Variants in TMCO6 observed in about 807,000 individuals in gnomAD.
The protein encoded by TMCO6 is transmembrane and coiled-coil domain-containing protein 6.
Under a neutral mutation model 61.8 loss-of-function variants are expected in TMCO6, and 47 were observed. The observed-to-expected ratio is 0.76, with a 90% confidence interval of 0.60 to 0.97. TMCO6 has a LOEUF of 0.97. Among genes scored for constraint, TMCO6 ranks in the 50% least tolerant of loss-of-function variants. The probability of loss-of-function intolerance (pLI) is 0.00; values close to 1 mark genes in which losing one functional copy is unlikely to be tolerated. For synonymous variants in TMCO6, 261 were observed against 254.2 expected, an observed-to-expected ratio of 1.03 and a Z score of -0.25; for missense variants, 557 against 601.6, an observed-to-expected ratio of 0.93 and a Z score of 0.78.
the TMCO6 span, among the ~76,000 whole-genome samples, chr5:140,618,260 T>A: frequency 6.6e-6 from 1 of 151,866 alleles, no homozygotes; most frequent in Non-Finnish European, 1.5e-5. Flanking sequence ...CGAAACCCCA[T>A]CTCTATTAAA....
chr5:140,629,667 C>T, the TMCO6 span, among the ~76,000 whole-genome samples: 1 of 152,140 alleles, frequency 6.6e-6, no homozygotes, highest in Non-Finnish European at 1.5e-5. Flanking sequence ...GGTGTGGTGG[C>T]TCATGCCTGC....
the TMCO6 span, among the ~76,000 whole-genome samples, chr5:140,606,927 G>T: frequency 2.6e-5 from 4 of 151,446 alleles, no homozygotes; most frequent in African/African-American, 7.3e-5. Flanking sequence ...GCTTGACTCT[G>T]TGTAGGCCCG....
rs777853704 is a variant in TMCO6, at chr5:140,639,804, G to A, written c.151G>A (p.Glu51Lys). 2 of 1,609,986 alleles carry A rather than the reference G, an allele frequency of 1.2e-6. No homozygotes were observed. Among genetic ancestry groups the A allele is most frequent in the Non-Finnish European group, 1.7e-6 (2 of 1,178,720 alleles). Residue 51 changes from glutamate to lysine, a missense_variant, in exon 2 of 12, where the codon GAG (glutamate) becomes AAG (lysine). Coordinates refer to ENST00000394671, the MANE Select transcript of TMCO6 (RefSeq NM_018502.5). ...SKRLLRNDAP[E>K]EAGEGCVAAI... is the part of the protein sequence containing the mutation. Reference sequence around the variant, plus strand: ...GAGGCTGCTGAGAAACGACGCCCCAGAGGAAGCTGGAGAGGGATGTGTGGC... The same window carrying A: ...GAGGCTGCTGAGAAACGACGCCCCAAAGGAAGCTGGAGAGGGATGTGTGGC...
At chr5:140,642,128 C>A in intron 4 of TMCO6, 75 bp downstream of exon 4, 1 of 1,540,682 alleles carries the variant, frequency 6.5e-7, no homozygotes, top group Non-Finnish European at 8.8e-7. Context: ...TTTGAGCTGG[C>A]AGGTAGGAGG....
At chr5:140,601,300 G>T in the TMCO6 span, among the ~76,000 whole-genome samples, 1 of 152,166 alleles carries the variant, frequency 6.6e-6, no homozygotes, top group African/African-American at 2.4e-5. Context: ...GGCTGTGGGG[G>T]TATGGGGTGG....
the TMCO6 span, among the ~76,000 whole-genome samples, chr5:140,617,649 G>T: frequency 6.6e-6 from 1 of 151,416 alleles, no homozygotes; most frequent in Non-Finnish European, 1.5e-5. Context: ...CAGGAGAATC[G>T]CTTGAACCCA....
chr5:140,641,471 A>C (rs1757025217), intron 2 of TMCO6, 194 bp from the exon 3 acceptor site: 1 of 587,342 alleles, frequency 1.7e-6, no homozygotes, highest in Non-Finnish European at 3.1e-6. Flanking sequence ...AGTAAGTGGC[A>C]GGTATGGTAT....
At position 140,645,197 on chromosome 5, in the gene TMCO6, T is replaced by C; in HGVS notation, c.*99T>C. 1.6e-6 allele frequency: 2 copies of C among 1,239,846 alleles called. No homozygotes were observed. The highest frequency in any genetic ancestry group is 2.3e-6 in the Non-Finnish European group (2 of 862,672). 76.8% of individuals were successfully genotyped at this position (1,239,846 alleles called of 1,614,324 possible). ...TTTAGGACCATAATGAGGTCTCATG[T>C]TCTCTGCTCCCACACCTAAGCCAAG... On this transcript the variant is annotated 3_prime_UTR_variant, in exon 12 of 12. Coordinates refer to ENST00000394671, the MANE Select transcript of TMCO6 (RefSeq NM_018502.5).
chr5:140,642,467 A>G (rs1757101940), intron 5 of TMCO6, 48 bp downstream of exon 5: 2 of 1,604,368 alleles, frequency 1.2e-6, no homozygotes. Flanking sequence ...GCTCCTCCCC[A>G]CATGCTCCAT....
downstream of TMCO6, chr5:140,646,985 C>G (rs1305361860): frequency 5.0e-6 from 2 of 399,854 alleles, no homozygotes; most frequent in African/African-American, 4.1e-5. Flanking sequence ...ACTAACTTCT[C>G]TCCTGTCTGA....
chr5:140,618,639 C>T, the TMCO6 span, among the ~76,000 whole-genome samples: 1 of 152,088 alleles, frequency 6.6e-6, no homozygotes, highest in South Asian at 2.1e-4. Flanking sequence ...CTGCTACTCT[C>T]CCTCTTCCAC....
the TMCO6 span, among the ~76,000 whole-genome samples, chr5:140,634,418 G>A: frequency 3.3e-3 from 497 of 150,228 alleles, 2 homozygotes; most frequent in African/African-American, 0.012. Flanking sequence ...AAGGAGCTAC[G>A]CATTTACAAC....
At chr5:140,647,099 C>T, downstream of TMCO6, 1 of 830,504 alleles carries the variant, frequency 1.2e-6, no homozygotes, top group Non-Finnish European at 1.8e-6. Flanking sequence ...TATAACCCTG[C>T]GAATATAAAT....
At position 140,643,883 on chromosome 5, in the gene TMCO6, C is replaced by A. The variant is rs78801877; in HGVS notation, c.1022C>A (p.Ala341Asp). The A allele has an allele frequency of 6.2e-7, 1 of 1,613,862 alleles. No homozygotes were observed. The highest frequency in any genetic ancestry group is 8.5e-7 in the Non-Finnish European group (1 of 1,180,038). ...CTCAGAGATGAGCGTGTTGTGGCAG[C>A]CTTATTTATCCTTCTGCAGTTCTTT... ...MQLRDERVVA[A>D]LFILLQFFFQ... Residue 341 changes from alanine to aspartate, a missense_variant, in exon 9 of 12, where the codon GCC becomes GAC. Transcript: ENST00000394671.
chr5:140,601,741 G>C, the TMCO6 span, among the ~76,000 whole-genome samples: 7 of 151,868 alleles, frequency 4.6e-5, no homozygotes, highest in East Asian at 3.9e-4. Flanking sequence ...TTAAAAGGCA[G>C]ATTTCAGGCG....
chr5:140,634,039 C>T, the TMCO6 span, among the ~76,000 whole-genome samples: 2 of 152,122 alleles, frequency 1.3e-5, no homozygotes, highest in Non-Finnish European at 2.9e-5. Flanking sequence ...CCACCCGCCT[C>T]GGCCTCCCAA....
chr5:140,628,987 G>A, the TMCO6 span, among the ~76,000 whole-genome samples: 6 of 152,304 alleles, frequency 3.9e-5, no homozygotes, highest in African/African-American at 1.4e-4. Context: ...TAAAACTTTA[G>A]GTTGGGTGCA....
At chr5:140,645,482 A>G (rs1757341578), downstream of TMCO6, 1 of 1,444,942 alleles carries the variant, frequency 6.9e-7, no homozygotes, top group East Asian at 2.3e-5. Flanking sequence ...AGTATTTTAC[A>G]GCACAAGCTT....
At chr5:140,643,708 ATG>A in intron 8 of TMCO6, 33 bp downstream of exon 8, 1 of 1,603,880 alleles carries the variant, frequency 6.2e-7, no homozygotes, top group African/African-American at 1.3e-5. Context: ...ATTCTGGGAG[ATG>A]TTTCTTGATA....
Sources: allele counts gnomAD v4.1 joint callset (sites outside exome capture counted in the v4.1 genomes callset), GRCh38; gene constraint gnomAD v4.1.1; transcripts MANE v1.5; gene names NCBI Gene and HGNC (gene_info 2026-07-23, HGNC 2026-07-21).